Variants in SNTG1 observed in about 807,000 individuals in gnomAD.
SNTG1 encodes the protein syntrophin gamma 1, also known as gamma-1-syntrophin.
Under a neutral mutation model 74.7 loss-of-function variants are expected in SNTG1, and 39 were observed. That is an observed-to-expected ratio of 0.52 (90% confidence interval 0.40 to 0.68). The LOEUF (loss-of-function observed/expected upper bound fraction) is 0.68. SNTG1 is among the 30% of genes least tolerant of loss of function. SNTG1 has a pLI of 0.00. For synonymous variants in SNTG1, 254 were observed against 217.1 expected (o/e 1.17, Z -1.49); for missense variants, 685 against 609.5 (o/e 1.12, Z -1.30).
intron 1 of SNTG1, among the ~76,000 whole-genome samples, chr8:50,159,573 TGA>T (rs1201258299): frequency 6.6e-6 from 1 of 152,232 alleles, no homozygotes; most frequent in Non-Finnish European, 1.5e-5. Context: ...AAGCAAAATG[TGA>T]GTCTTTACTA....
intron 1 of SNTG1, among the ~76,000 whole-genome samples, chr8:49,971,310 T>C (rs1039601548): frequency 1.3e-5 from 2 of 152,142 alleles, no homozygotes; most frequent in African/African-American, 2.4e-5. Context: ...TTGAAAAATT[T>C]CAACAACCCT....
chr8:49,980,629 G>A (rs16914140), intron 1 of SNTG1, among the ~76,000 whole-genome samples: 7,362 of 150,870 alleles, frequency 0.049, 594 homozygotes, highest in African/African-American at 0.17. Context: ...CGCAAGAACA[G>A]TGTGTTCCTG....
chr8:50,553,417 T>C (rs1383795580), intron 12 of SNTG1, among the ~76,000 whole-genome samples: 1 of 152,066 alleles, frequency 6.6e-6, no homozygotes, highest in East Asian at 1.9e-4. Flanking sequence ...CTTAAGCAAA[T>C]GAAAATAACT....
chr8:50,346,676 A>G (rs2091487092), intron 2 of SNTG1, among the ~76,000 whole-genome samples: 1 of 152,276 alleles, frequency 6.6e-6, no homozygotes, highest in South Asian at 2.1e-4. Context: ...AAAGATTTTG[A>G]AGGAAATTAA....
chr8:50,530,212 C>G lies in SNTG1; in HGVS notation c.502C>G (p.Pro168Ala). Reference protein sequence around the residue: ...PSDQSSGTSSPLCDSGLHLNY... With the variant: ...PSDQSSGTSSALCDSGLHLNY... ...TGACCAGAGCAGTGGCACCTCCTCT[C>G]CTCTCTGTGACAGTGGCTTACATCT... Residue 168 changes from proline (P) to alanine (A), a missense_variant, in exon 10 of 19, where the codon CCT becomes GCT. Physicochemically the swap from Pro to Ala is conservative, Grantham distance 27. Coordinates refer to ENST00000642720, the MANE Select transcript of SNTG1 (RefSeq NM_018967.5). The G allele has an allele frequency of 6.2e-7, 1 of 1,613,818 alleles. No individual in the cohort carries two copies. The highest frequency in any genetic ancestry group is 8.5e-7 in the Non-Finnish European group (1 of 1,179,806).
intron 8 of SNTG1, chr8:50,490,914 A>G (rs947612890): frequency 6.5e-6 from 1 of 153,162 alleles, no homozygotes; most frequent in African/African-American, 2.4e-5. Flanking sequence ...ATAGAGTGGT[A>G]GCATATAATG....
intron 10 of SNTG1, among the ~76,000 whole-genome samples, chr8:50,533,699 T>C (rs938495192): frequency 6.6e-6 from 1 of 152,156 alleles, no homozygotes; most frequent in African/African-American, 2.4e-5. Context: ...ATGAAATACA[T>C]CAACTCTGTT....
intron 2 of SNTG1, among the ~76,000 whole-genome samples, chr8:50,376,754 T>TAGAGAGAGAG (rs770555169): frequency 1.2e-4 from 12 of 100,292 alleles, no homozygotes; most frequent in Non-Finnish European, 1.7e-4. Flanking sequence ...TATATATATA[T>TAGAGAGAGAG]ATAGAGAGAG....
chr8:50,734,906 T>G (rs1208792877), intron 17 of SNTG1, among the ~76,000 whole-genome samples: 7 of 141,684 alleles, frequency 4.9e-5, no homozygotes, highest in Admixed American at 2.9e-4. Flanking sequence ...GACATATATA[T>G]ATCTATATAT....
At chr8:50,346,398 T>C (rs2091478588) in intron 2 of SNTG1, among the ~76,000 whole-genome samples, 1 of 151,128 alleles carries the variant, frequency 6.6e-6, no homozygotes, top group Non-Finnish European at 1.5e-5. Flanking sequence ...TTGATTCATG[T>C]AGTGTGTCTG....
intron 15 of SNTG1, among the ~76,000 whole-genome samples, chr8:50,660,809 A>G (rs2095219028): frequency 2.0e-5 from 3 of 152,180 alleles, no homozygotes; most frequent in South Asian, 2.1e-4. Flanking sequence ...CTCTATCAAG[A>G]TATACAAACA....
rs556431530 is a variant in SNTG1, at chr8:50,380,729, G to A, written c.-27-13483G>A. 2.6e-5 allele frequency among the ~76,000 whole-genome samples: 4 copies of A among 152,278 alleles called. No individual in the cohort carries two copies. In the East Asian group the frequency reaches 7.7e-4, roughly 29 times the overall value. On this transcript the variant is annotated intron_variant, in intron 2 of 18. Transcript: ENST00000642720. ...ATTCAGCATGCATAAATTTGGCTGT[G>A]TTTGTCTCATTTTATTTTCCAGGTT...
At chr8:50,718,627 A>G (rs564154403) in intron 17 of SNTG1, among the ~76,000 whole-genome samples, 2 of 152,220 alleles carry the variant, frequency 1.3e-5, no homozygotes, top group South Asian at 2.1e-4. Context: ...GCGCAATTCT[A>G]TTTTAGTCTC....
At chr8:49,966,419 G>C (rs1483499564) in intron 1 of SNTG1, among the ~76,000 whole-genome samples, 3 of 148,758 alleles carry the variant, frequency 2.0e-5, no homozygotes, top group Non-Finnish European at 4.4e-5. Context: ...TTTTTTGACA[G>C]AGTCTCGGTC....
intron 9 of SNTG1, among the ~76,000 whole-genome samples, chr8:50,506,599 T>A (rs1402310056): frequency 6.6e-6 from 1 of 152,068 alleles, no homozygotes; most frequent in Non-Finnish European, 1.5e-5. Flanking sequence ...TTGATGCTAT[T>A]ATCAATAAAA....
chr8:50,739,254 T>A (rs1476134160), intron 17 of SNTG1, among the ~76,000 whole-genome samples: 1 of 151,494 alleles, frequency 6.6e-6, no homozygotes, highest in Non-Finnish European at 1.5e-5. Flanking sequence ...GTGGGCCAAG[T>A]ATATGAACAG....
chr8:50,464,539 C>T (rs890870038), intron 8 of SNTG1, among the ~76,000 whole-genome samples: 7 of 152,092 alleles, frequency 4.6e-5, no homozygotes, highest in Non-Finnish European at 5.9e-5. Flanking sequence ...TCAGAACACA[C>T]ACATTTATCA....
At chr8:50,515,161 A>G (rs1395769871) in intron 9 of SNTG1, among the ~76,000 whole-genome samples, 3 of 152,292 alleles carry the variant, frequency 2.0e-5, no homozygotes, top group East Asian at 3.9e-4. Context: ...TCTTGGAGAT[A>G]TTGCCGGTTT....
At chr8:50,029,161 A>T (rs1817533418) in intron 1 of SNTG1, among the ~76,000 whole-genome samples, 1 of 152,044 alleles carries the variant, frequency 6.6e-6, no homozygotes, top group African/African-American at 2.4e-5. Flanking sequence ...GTGGTTTCAT[A>T]TCTAAGAAGT....
Sources: allele counts gnomAD v4.1 joint callset (sites outside exome capture counted in the v4.1 genomes callset), GRCh38; gene constraint gnomAD v4.1.1; transcripts MANE v1.5; gene names NCBI Gene and HGNC (gene_info 2026-07-23, HGNC 2026-07-21).